Variants in JAKMIP3 observed in about 807,000 individuals in gnomAD.
JAKMIP3 encodes the protein Janus kinase and microtubule interacting protein 3.
Under a neutral mutation model 118.5 loss-of-function variants are expected in JAKMIP3, and 58 were observed. The observed-to-expected ratio is 0.49, with a 90% CI of 0.40 to 0.61. The LOEUF is 0.61. JAKMIP3 is among the 20% of genes least tolerant of loss of function. The pLI, the probability that JAKMIP3 is intolerant of heterozygous loss-of-function variation, is 0.00. For synonymous variants in JAKMIP3, 486 were observed against 451.2 expected (o/e 1.08, Z -0.98); for missense variants, 950 against 1,109.0 (o/e 0.86, Z 2.04).
intron 3 of JAKMIP3, among the ~76,000 whole-genome samples, chr10:132,119,435 A>G (rs574137043): frequency 1.1e-4 from 16 of 152,254 alleles, no homozygotes; most frequent in African/African-American, 1.2e-4. Flanking sequence ...TAAAAATGTT[A>G]TAGTTTCGTC....
At chr10:132,076,969 GATT>G (rs2040907869) in intron 1 of JAKMIP3, among the ~76,000 whole-genome samples, 1 of 151,594 alleles carries the variant, frequency 6.6e-6, no homozygotes, top group African/African-American at 2.4e-5. Context: ...GGGTCTGACT[GATT>G]GAGGGCTGGC....
At chr10:132,125,721 C>T (rs560142805) in intron 3 of JAKMIP3, among the ~76,000 whole-genome samples, 4 of 152,262 alleles carry the variant, frequency 2.6e-5, no homozygotes, top group South Asian at 4.1e-4. Flanking sequence ...AAATATTTAA[C>T]GTTTCATGCT....
intron 1 of JAKMIP3, among the ~76,000 whole-genome samples, chr10:132,083,368 CTT>C (rs1260375097): frequency 1.3e-5 from 2 of 152,026 alleles, no homozygotes; most frequent in African/African-American, 4.8e-5. Context: ...TTAGCCCACT[CTT>C]TGATGGGTTC....
intron 23 of JAKMIP3, among the ~76,000 whole-genome samples, chr10:132,176,657 G>A (rs1311862572): frequency 1.3e-5 from 2 of 152,140 alleles, no homozygotes; most frequent in Non-Finnish European, 2.9e-5. Flanking sequence ...AATTGTGTTT[G>A]AAATCTTTGT....
intron 3 of JAKMIP3, among the ~76,000 whole-genome samples, chr10:132,126,046 T>C (rs1024924564): frequency 2.0e-4 from 31 of 151,926 alleles, no homozygotes; most frequent in Admixed American, 2.0e-3. Flanking sequence ...ATGACAGGAG[T>C]GAGCCACCAT....
chr10:132,134,729 G>A (rs2051374131), intron 4 of JAKMIP3, among the ~76,000 whole-genome samples: 1 of 152,218 alleles, frequency 6.6e-6, no homozygotes, highest in Admixed American at 6.5e-5. Flanking sequence ...GCACGCCCCC[G>A]CCCTCTCCAT....
In JAKMIP3 at chr10:132,163,302, A is replaced by G; in HGVS notation, c.2314A>G (p.Lys772Glu). The change falls in exon 20 of 24, where the codon AAG (lysine) becomes GAG (glutamate). Residue 772 changes from lysine to glutamate, a missense_variant. Coordinates refer to ENST00000684848, the MANE Select transcript of JAKMIP3 (RefSeq NM_001323087.2). The part of the protein sequence containing the change: ...AELLSEEERE[K>E]LKVAVEQWKR... Reference sequence around the variant, plus strand: ...GCTGCTGTCAGAGGAGGAGCGCGAGAAGCTCAAGGTGGCCGTGGAGCAGTG... The same window carrying G: ...GCTGCTGTCAGAGGAGGAGCGCGAGGAGCTCAAGGTGGCCGTGGAGCAGTG... 1 of 1,606,852 alleles carries G rather than the reference A, an allele frequency of 6.2e-7. No individual in the cohort carries two copies. Among genetic ancestry groups the G allele is most frequent in the Non-Finnish European group, 8.5e-7 (1 of 1,177,912 alleles).
At chr10:132,155,043 C>T (rs12764764) in intron 19 of JAKMIP3, among the ~76,000 whole-genome samples, 1 of 1,658 alleles carries the variant, frequency 6.0e-4, no homozygotes, top group African/African-American at 1.9e-3. Context: ...TGGCAATGAT[C>T]ATGATGACAT....
chr10:132,050,182 C>T (rs562384794), intron 1 of JAKMIP3, among the ~76,000 whole-genome samples: 1 of 152,360 alleles, frequency 6.6e-6, no homozygotes, highest in East Asian at 1.9e-4. Context: ...GTTTGCATCA[C>T]TCTTGCCTCT....
intron 1 of JAKMIP3, among the ~76,000 whole-genome samples, chr10:132,036,827 C>T (rs2133733033): frequency 6.6e-6 from 1 of 151,672 alleles, no homozygotes. Context: ...GGCGCCCTGG[C>T]GGCCGTGGGG....
At chr10:132,069,274 G>A (rs1453671719) in intron 1 of JAKMIP3, among the ~76,000 whole-genome samples, 2 of 152,126 alleles carry the variant, frequency 1.3e-5, no homozygotes, top group African/African-American at 2.4e-5. Context: ...CAGGGGAGGG[G>A]TCTGGAGGCC....
chr10:132,161,306 T>TG (rs2058248185), intron 19 of JAKMIP3, among the ~76,000 whole-genome samples: 1 of 4,988 alleles, frequency 2.0e-4, no homozygotes, highest in Non-Finnish European at 4.3e-4. Context: ...TGTGTGATGC[T>TG]GGGGTGGTCT....
At chr10:132,036,762 C>G (rs1305970205) in intron 1 of JAKMIP3, among the ~76,000 whole-genome samples, 1 of 151,184 alleles carries the variant, frequency 6.6e-6, no homozygotes, top group African/African-American at 2.4e-5. Flanking sequence ...GGGGTGGGGC[C>G]GCGACCGGGG....
Position 132,112,862 on chromosome 10 carries a change from C to T in JAKMIP3, c.136-4215C>T, listed in dbSNP as rs1050172624. 2.0e-5 allele frequency among the ~76,000 whole-genome samples: 3 copies of T among 152,314 alleles called. No homozygotes were observed. Among genetic ancestry groups the T allele is most frequent in the South Asian group, 2.1e-4 (1 of 4,826 alleles). On this transcript the variant is annotated intron_variant, in intron 2 of 23. Coordinates refer to ENST00000684848, the MANE Select transcript of JAKMIP3 (RefSeq NM_001323087.2). This position sits in a 1 kb window ranked among gnomAD's most constrained non-coding sequence, Gnocchi z 4.3. ...CCTGCCTCTGCCTGGCTGCGAATCC[C>T]CTCTCTCGCTCCCTCTGTCTTTCCC...
chr10:132,087,389 T>C (rs2042536003), intron 1 of JAKMIP3, among the ~76,000 whole-genome samples: 1 of 152,194 alleles, frequency 6.6e-6, no homozygotes, highest in South Asian at 2.1e-4. Context: ...GAGCTTCTTG[T>C]ATCTGGATGT....
chr10:132,043,378 TTGTG>T (rs552418772), intron 1 of JAKMIP3, among the ~76,000 whole-genome samples: 1 of 151,160 alleles, frequency 6.6e-6, no homozygotes, highest in African/African-American at 2.4e-5. Context: ...CCCTTTCCGT[TTGTG>T]TGTGTGTGTG....
intron 1 of JAKMIP3, among the ~76,000 whole-genome samples, chr10:132,098,534 G>T (rs1457076507): frequency 2.0e-5 from 3 of 152,224 alleles, no homozygotes; most frequent in Non-Finnish European, 2.9e-5. Flanking sequence ...GGATGAAATG[G>T]TCTCTTGTCC....
At chr10:132,071,308 G>T (rs974011105) in intron 1 of JAKMIP3, among the ~76,000 whole-genome samples, 4 of 152,046 alleles carry the variant, frequency 2.6e-5, no homozygotes, top group African/African-American at 9.7e-5. Context: ...ACTTTGTTGA[G>T]ATTTGTTTTA....
intron 3 of JAKMIP3, among the ~76,000 whole-genome samples, chr10:132,119,234 C>T (rs1344760893): frequency 6.6e-6 from 1 of 152,106 alleles, no homozygotes; most frequent in Non-Finnish European, 1.5e-5. Flanking sequence ...CTAAAACTTA[C>T]ACCGAAGTGC....
Sources: allele counts gnomAD v4.1 joint callset (sites outside exome capture counted in the v4.1 genomes callset), GRCh38; gene constraint gnomAD v4.1.1; non-coding constraint Gnocchi (gnomAD v3.1); transcripts MANE v1.5; gene names NCBI Gene and HGNC (gene_info 2026-07-23, HGNC 2026-07-21).